SLC8A3: variants seen among roughly 807,000 people sequenced by gnomAD.
SLC8A3 encodes the protein sodium/calcium exchanger 3.
SLC8A3 carries 37 observed loss-of-function variants against 65.4 expected under a neutral mutation model. The observed-to-expected ratio is 0.57, with a 90% CI of 0.44 to 0.74. The LOEUF is 0.74. Ranked by LOEUF, SLC8A3 falls within the 30% of genes least tolerant of loss-of-function variation. The pLI, the probability that SLC8A3 is intolerant of heterozygous loss-of-function variation, is 0.00. For missense variants in SLC8A3, 1,112 were observed against 1,172.1 expected, an observed-to-expected ratio of 0.95 and a Z score of 0.75; for synonymous variants, 461 against 444.5, an observed-to-expected ratio of 1.04 and a Z score of -0.47.
rs1361386876 is a variant in SLC8A3, at chr14:70,064,556, C to T, written c.1785-3617G>A. Among the ~76,000 whole-genome samples the T allele has an allele frequency of 4.8e-5, 7 of 146,860 alleles. No homozygotes were observed. The East Asian group carries it at 1.2e-3, about 25-fold the overall frequency. On this transcript the variant is annotated intron_variant, in intron 2 of 6. Transcript: ENST00000356921. ...GTTGGGTCGGGGGTGGTGGTGGCGG[C>T]GGCGGGGATGCTGGGGGGAAATTTG...
At chr14:70,086,977 G>C (rs1891489085) in intron 2 of SLC8A3, among the ~76,000 whole-genome samples, 1 of 152,230 alleles carries the variant, frequency 6.6e-6, no homozygotes, top group Non-Finnish European at 1.5e-5. Flanking sequence ...GCTGTCAGTA[G>C]AGGAGCCCCG....
At chr14:70,087,381 G>T (rs981019532) in intron 2 of SLC8A3, among the ~76,000 whole-genome samples, 3 of 152,180 alleles carry the variant, frequency 2.0e-5, no homozygotes, top group African/African-American at 7.2e-5. Context: ...AACATTGGCC[G>T]CTGATGTACC....
intron 1 of SLC8A3, among the ~76,000 whole-genome samples, chr14:70,180,761 G>A (rs998084845): frequency 3.9e-5 from 6 of 152,204 alleles, no homozygotes; most frequent in Non-Finnish European, 8.8e-5. Flanking sequence ...ACATTTGGGA[G>A]CCTAGAGCAC....
rs569586649 is a variant in SLC8A3, at chr14:70,115,870, A to G, written c.1784+50769T>C. Among the ~76,000 whole-genome samples the G allele has an allele frequency of 1.5e-3, 231 of 152,230 alleles. 1 individual carries two copies. The highest frequency in any genetic ancestry group is 2.4e-3 in the Non-Finnish European group (166 of 68,000). On this transcript the variant is annotated intron_variant, in intron 2 of 6. Transcript: ENST00000356921. ...GTCTGAGGCACATTCCAGCTTAAAC[A>G]CCTGTAGATTTCTAGAAAAATCTTC...
At chr14:70,064,614 G>C (rs1245726952) in intron 2 of SLC8A3, among the ~76,000 whole-genome samples, 1 of 152,028 alleles carries the variant, frequency 6.6e-6, no homozygotes, top group Admixed American at 6.6e-5. Context: ...ATTCACAGAG[G>C]GCCTGAAAAG....
chr14:70,176,796 A>G (rs1897936434), intron 1 of SLC8A3, among the ~76,000 whole-genome samples: 1 of 152,226 alleles, frequency 6.6e-6, no homozygotes, highest in African/African-American at 2.4e-5. Flanking sequence ...ACTTGTACTC[A>G]TGAAATATAA....
rs561256552 is a variant in SLC8A3, at chr14:70,182,270, C to G, written c.-63+6109G>C. On this transcript the variant is annotated intron_variant, in intron 1 of 6. Transcript: ENST00000356921. ...AATTCAGGAGGAGTTAACAGGACAT[C>G]TTGTTGGAGATACTGTGCACACGGC... is the stretch of plus-strand genomic sequence containing the variant. 2.0e-5 allele frequency among the ~76,000 whole-genome samples: 3 copies of G among 152,272 alleles called. No individual in the cohort carries two copies. The South Asian group carries it at 6.2e-4, about 32-fold the overall frequency.
intron 5 of SLC8A3, among the ~76,000 whole-genome samples, chr14:70,050,191 C>G (rs1412347023): frequency 5.3e-5 from 8 of 152,082 alleles, no homozygotes; most frequent in South Asian, 2.1e-4. Context: ...TCTTGAGGGG[C>G]ACAGTCAGGT....
At chr14:70,156,574 C>A (rs1456303924) in intron 2 of SLC8A3, among the ~76,000 whole-genome samples, 1 of 152,222 alleles carries the variant, frequency 6.6e-6, no homozygotes, top group Non-Finnish European at 1.5e-5. Context: ...TATTTTCCAC[C>A]CCAGTCCTAT....
intron 2 of SLC8A3, among the ~76,000 whole-genome samples, chr14:70,069,713 C>T (rs1003066986): frequency 6.6e-6 from 1 of 152,208 alleles, no homozygotes; most frequent in African/African-American, 2.4e-5. Context: ...CCTGACCCCT[C>T]TCCCAAGGTC....
chr14:70,177,696 A>C (rs1897991246), intron 1 of SLC8A3, among the ~76,000 whole-genome samples: 1 of 152,218 alleles, frequency 6.6e-6, no homozygotes, highest in South Asian at 2.1e-4. Flanking sequence ...GAAGCTGTGG[A>C]GATAAGTGAG....
At chr14:70,132,535 C>T (rs1894909723) in intron 2 of SLC8A3, among the ~76,000 whole-genome samples, 1 of 152,128 alleles carries the variant, frequency 6.6e-6, no homozygotes, top group African/African-American at 2.4e-5. Flanking sequence ...GCATGGTGGG[C>T]AAGCAGGTGG....
chr14:70,132,477 T>A (rs1894904189), intron 2 of SLC8A3, among the ~76,000 whole-genome samples: 1 of 152,200 alleles, frequency 6.6e-6, no homozygotes, highest in Non-Finnish European at 1.5e-5. Context: ...GAGATAGTGC[T>A]GAGGTGTTCC....
At chr14:70,136,465 C>T (rs576680673) in intron 2 of SLC8A3, among the ~76,000 whole-genome samples, 3 of 152,294 alleles carry the variant, frequency 2.0e-5, no homozygotes, top group African/African-American at 4.8e-5. Context: ...ACCTTTTGTG[C>T]CATCTTACTC....
At chr14:70,085,712 G>A (rs1373545807) in intron 2 of SLC8A3, among the ~76,000 whole-genome samples, 5 of 152,190 alleles carry the variant, frequency 3.3e-5, no homozygotes, top group African/African-American at 1.2e-4. Flanking sequence ...ATGAAACTGG[G>A]AAGAGCCTCA....
intron 2 of SLC8A3, among the ~76,000 whole-genome samples, chr14:70,089,909 T>G (rs2140052769): frequency 6.6e-6 from 1 of 152,256 alleles, no homozygotes; most frequent in South Asian, 2.1e-4. Context: ...ACGCAGGAAA[T>G]TTTACCAATT....
intron 2 of SLC8A3, among the ~76,000 whole-genome samples, chr14:70,097,195 A>G (rs917354529): frequency 6.6e-6 from 1 of 152,068 alleles, no homozygotes; most frequent in African/African-American, 2.4e-5. Context: ...GAAGAAGGGC[A>G]ATGCAACAGA....
chr14:70,064,966 T>G (rs927704936), intron 2 of SLC8A3, among the ~76,000 whole-genome samples: 1 of 152,088 alleles, frequency 6.6e-6, no homozygotes, highest in African/African-American at 2.4e-5. Flanking sequence ...GGGAAGATGT[T>G]TAGACCTCTC....
In SLC8A3 at chr14:70,051,001, T is replaced by G; in HGVS notation, c.2113+7A>C. ...TCCCAGCAAGGCCAGCCTGAGACAC[T>G]TCTCACCTGCACTGACGGTGATGGC... is the stretch of plus-strand genomic sequence containing the variant. On this transcript the variant is annotated splice_region_variant and intron_variant, in intron 5 of 6. Transcript: ENST00000356921. The G allele has an allele frequency of 1.9e-6, 3 of 1,594,300 alleles. No individual in the cohort carries two copies. The highest frequency in any genetic ancestry group is 2.6e-6 in the Non-Finnish European group (3 of 1,162,072).
Sources: allele counts gnomAD v4.1 joint callset (sites outside exome capture counted in the v4.1 genomes callset), GRCh38; gene constraint gnomAD v4.1.1; transcripts MANE v1.5; gene names NCBI Gene and HGNC (gene_info 2026-07-23, HGNC 2026-07-21).